The following PCTP variants were observed in gnomAD, a reference collection of about 807,000 sequenced individuals.
PCTP encodes START domain-containing protein 2.
Under a neutral mutation model 31.0 loss-of-function variants are expected in PCTP, and 27 were observed. The ratio of observed to expected loss-of-function variants is 0.87; its 90% confidence interval spans 0.64 to 1.20. The LOEUF (loss-of-function observed/expected upper bound fraction) is 1.20, where lower values mean the gene tolerates loss of function less well. Ranked by LOEUF, PCTP falls within the 50% of genes most tolerant of loss-of-function variation. The pLI is 0.00. For missense variants in PCTP, 287 were observed against 268.2 expected (o/e 1.07, Z -0.49); for synonymous variants, 108 against 101.2 (o/e 1.07, Z -0.40).
rs1911356938 is a variant in PCTP at position 55,776,828 on chromosome 17, C to G, written c.*728C>G. 2.0e-6 allele frequency: 2 copies of G among 1,023,398 alleles called. No individual in the cohort carries two copies. Among genetic ancestry groups the G allele is most frequent in the African/African-American group, 3.4e-5 (2 of 58,906 alleles). 63.4% of individuals were successfully genotyped at this position (1,023,398 alleles called of 1,614,324 possible). Reference sequence around the variant, plus strand: ...ATCCATGAGGAAATGGATGATTTCTCTTTTCCATATGTCACTGGGGGAAAG... The same window carrying G: ...ATCCATGAGGAAATGGATGATTTCTGTTTTCCATATGTCACTGGGGGAAAG... On this transcript the variant is annotated 3_prime_UTR_variant, in exon 6 of 6. Transcript: ENST00000268896.
Position 55,777,188 on chromosome 17 carries a change from AG to A in PCTP, c.*1089del. Reference sequence around the variant, plus strand: ...TAAGGTATTTCTATGTCAAAGGCACAGCCTTGATGATCTCAGGGAAAAATTT... The same window carrying A: ...TAAGGTATTTCTATGTCAAAGGCACACCTTGATGATCTCAGGGAAAAATTT... On this transcript the variant is annotated 3_prime_UTR_variant, in exon 6 of 6. Coordinates refer to ENST00000268896, the MANE Select transcript of PCTP (RefSeq NM_021213.4). The A allele has an allele frequency of 1.0e-6, 1 of 984,838 alleles. No individual in the cohort carries two copies. Among genetic ancestry groups the A allele is most frequent in the Non-Finnish European group, 1.2e-6 (1 of 828,996 alleles). The allele number at this position is 984,838 out of a possible 1,614,324, so 61.0% of individuals were successfully genotyped here.
At chr17:55,806,003 T>G (rs1163288382) in intron 3 of PCTP, among the ~76,000 whole-genome samples, 1 of 151,868 alleles carries the variant, frequency 6.6e-6, no homozygotes, top group Non-Finnish European at 1.5e-5. Context: ...CTTCTCCAAG[T>G]GATGGGAAAC....
chr17:55,819,040 A>C, intron 3 of PCTP, among the ~76,000 whole-genome samples: 1 of 150,590 alleles, frequency 6.6e-6, no homozygotes. Flanking sequence ...AAAAAAAAGA[A>C]AAGGAAAGAA....
the PCTP span, among the ~76,000 whole-genome samples, chr17:55,849,455 T>A: frequency 6.6e-6 from 1 of 152,190 alleles, no homozygotes; most frequent in South Asian, 2.1e-4. Flanking sequence ...AAACCCCATC[T>A]TTACTAAAAA....
chr17:55,793,884 A>T (rs1912092093), intron 3 of PCTP, among the ~76,000 whole-genome samples: 1 of 152,106 alleles, frequency 6.6e-6, no homozygotes, highest in African/African-American at 2.4e-5. Context: ...TCAATCATCA[A>T]GTTATTTTAC....
chr17:55,793,074 C>T (rs1474832625), intron 3 of PCTP, among the ~76,000 whole-genome samples: 2 of 152,090 alleles, frequency 1.3e-5, no homozygotes, highest in Middle Eastern at 3.2e-3. Context: ...TCTCTTCTGT[C>T]CTGTGTCCCA....
rs1911140069 is a variant in PCTP at position 55,773,763 on chromosome 17, G to A, written c.379G>A (p.Gly127Arg). The A allele has an allele frequency of 6.2e-7, 1 of 1,613,890 alleles. No homozygotes were observed. Among genetic ancestry groups the A allele is most frequent in the Non-Finnish European group, 8.5e-7 (1 of 1,179,878 alleles). Residue 127 changes from glycine (G) to arginine (R), a missense_variant, in exon 4 of 6, where the codon GGG (glycine) becomes AGG (arginine). Transcript: ENST00000268896. ...LRQRRDLDMEGRKIHVILARS... is the reference protein window; with the variant it reads ...LRQRRDLDMERRKIHVILARS... ...GCAGCGGCGAGACCTGGACATGGAAGGGAGGAAGATCCATGTGATCCTGGC... is the reference window on the plus strand; with the variant it reads ...GCAGCGGCGAGACCTGGACATGGAAAGGAGGAAGATCCATGTGATCCTGGC...
intron 5 of PCTP, among the ~76,000 whole-genome samples, chr17:55,833,116 C>T (rs1190170660): frequency 6.6e-6 from 1 of 152,156 alleles, no homozygotes; most frequent in African/African-American, 2.4e-5. Flanking sequence ...GGAAATATCA[C>T]TCAGGGGAGT....
chr17:55,825,175 C>T (rs965081277), downstream of PCTP, among the ~76,000 whole-genome samples: 1 of 152,120 alleles, frequency 6.6e-6, no homozygotes, highest in African/African-American at 2.4e-5. Flanking sequence ...TCTTCTATGT[C>T]GAGGGCATGG....
the PCTP span, among the ~76,000 whole-genome samples, chr17:55,850,085 T>C: frequency 6.6e-6 from 1 of 152,172 alleles, no homozygotes; most frequent in African/African-American, 2.4e-5. Flanking sequence ...ATTATACTCA[T>C]TTTTATACCA....
At chr17:55,792,980 C>A (rs1912056983) in intron 3 of PCTP, among the ~76,000 whole-genome samples, 1 of 152,038 alleles carries the variant, frequency 6.6e-6, no homozygotes, top group Non-Finnish European at 1.5e-5. Context: ...TACTCCAGTC[C>A]AAACAAACAA....
intron 1 of PCTP, among the ~76,000 whole-genome samples, chr17:55,753,602 C>T (rs2144900312): frequency 6.6e-6 from 1 of 152,292 alleles, no homozygotes; most frequent in South Asian, 2.1e-4. Context: ...TCAACATGCT[C>T]CTGCATTGCC....
At chr17:55,812,258 C>T (rs2145047543) in intron 3 of PCTP, among the ~76,000 whole-genome samples, 1 of 152,288 alleles carries the variant, frequency 6.6e-6, no homozygotes, top group East Asian at 1.9e-4. Flanking sequence ...ACCAACATTT[C>T]TTAAGTCTGC....
At chr17:55,779,913 T>A (rs919601137), downstream of PCTP, among the ~76,000 whole-genome samples, 23 of 152,276 alleles carry the variant, frequency 1.5e-4, no homozygotes, top group African/African-American at 5.3e-4. Flanking sequence ...CTGTCTCTAT[T>A]GGCCCATGTT....
chr17:55,814,865 A>G (rs573737916), intron 3 of PCTP, among the ~76,000 whole-genome samples: 192 of 152,212 alleles, frequency 1.3e-3, no homozygotes, highest in Non-Finnish European at 2.3e-3. Flanking sequence ...GTCATAGACA[A>G]CTCTAGAAGA....
chr17:55,845,208 A>G (rs1270470804), downstream of PCTP, among the ~76,000 whole-genome samples: 1 of 151,422 alleles, frequency 6.6e-6, no homozygotes, highest in African/African-American at 2.4e-5. Flanking sequence ...GAGATGCTTT[A>G]GAGCAGGGTT....
At chr17:55,847,005 G>A (rs769856214), downstream of PCTP, among the ~76,000 whole-genome samples, 2 of 152,134 alleles carry the variant, frequency 1.3e-5, no homozygotes, top group Non-Finnish European at 2.9e-5. Flanking sequence ...GTTCAATGGT[G>A]TTATCTCAAG....
At chr17:55,764,375 C>A (rs1910521399) in intron 1 of PCTP, among the ~76,000 whole-genome samples, 1 of 152,114 alleles carries the variant, frequency 6.6e-6, no homozygotes, top group Non-Finnish European at 1.5e-5. Flanking sequence ...TAAATCCTTA[C>A]TAAGTTCAAT....
chr17:55,827,038 C>CAAA (rs33976207), downstream of PCTP, among the ~76,000 whole-genome samples: 216 of 134,916 alleles, frequency 1.6e-3, no homozygotes, highest in Middle Eastern at 8.3e-3. Context: ...GGTAAACAGC[C>CAAA]AAAAAAAAAA....
Sources: allele counts gnomAD v4.1 joint callset (sites outside exome capture counted in the v4.1 genomes callset), GRCh38; gene constraint gnomAD v4.1.1; transcripts MANE v1.5; gene names NCBI Gene and HGNC (gene_info 2026-07-23, HGNC 2026-07-21).